Variants in RHBDD1 observed in about 807,000 individuals in gnomAD.
The protein encoded by RHBDD1 is rhomboid domain containing 1.
A neutral mutation model predicts 36.3 loss-of-function variants in RHBDD1; 38 were observed. That is an observed-to-expected ratio of 1.05 (90% CI 0.81 to 1.37). The LOEUF is 1.37. RHBDD1 is among the 40% of genes most tolerant of loss of function. The pLI is 0.00. For missense variants in RHBDD1, 393 were observed against 377.6 expected, an observed-to-expected ratio of 1.04 and a Z score of -0.34; for synonymous variants, 151 against 136.5, an observed-to-expected ratio of 1.11 and a Z score of -0.74.
chr2:226,918,834 G>A (rs1416889828), intron 8 of RHBDD1, among the ~76,000 whole-genome samples: 4 of 152,060 alleles, frequency 2.6e-5, no homozygotes, highest in Non-Finnish European at 5.9e-5. Context: ...ATACCTAGCA[G>A]TAGAATTGCT....
At chr2:226,943,479 T>G (rs534430802) in intron 8 of RHBDD1, among the ~76,000 whole-genome samples, 76 of 152,184 alleles carry the variant, frequency 5.0e-4, no homozygotes, top group Admixed American at 1.2e-3. Context: ...ACTCAATGAG[T>G]CTAAAAGGGA....
intron 8 of RHBDD1, among the ~76,000 whole-genome samples, chr2:226,953,719 T>G (rs780046434): frequency 6.6e-6 from 1 of 152,228 alleles, no homozygotes; most frequent in Non-Finnish European, 1.5e-5. Flanking sequence ...CTCTGGTACT[T>G]ACATTCGCTT....
intron 8 of RHBDD1, among the ~76,000 whole-genome samples, chr2:226,963,914 T>G (rs1389087674): frequency 1.3e-5 from 2 of 152,168 alleles, no homozygotes; most frequent in East Asian, 1.9e-4. Flanking sequence ...ACTTAACTCC[T>G]TCCTTCCTGA....
chr2:226,960,806 A>C (rs1952139038), intron 8 of RHBDD1, among the ~76,000 whole-genome samples: 1 of 152,154 alleles, frequency 6.6e-6, no homozygotes, highest in Admixed American at 6.5e-5. Context: ...CCCCTGCAGC[A>C]CTCATAAGGG....
chr2:226,842,751 A>G (rs1941801741), intron 3 of RHBDD1, among the ~76,000 whole-genome samples: 1 of 152,168 alleles, frequency 6.6e-6, no homozygotes, highest in South Asian at 2.1e-4. Context: ...TTTGCTAAGA[A>G]TTGTTTTGGC....
chr2:226,972,921 G>A (rs1479864409), intron 8 of RHBDD1, among the ~76,000 whole-genome samples: 1 of 133,698 alleles, frequency 7.5e-6, no homozygotes, highest in Non-Finnish European at 1.6e-5. Flanking sequence ...AAGGAAGGAA[G>A]CCTGTAGCAA....
intron 8 of RHBDD1, among the ~76,000 whole-genome samples, chr2:226,973,680 G>A (rs1270316867): frequency 6.6e-6 from 1 of 152,192 alleles, no homozygotes; most frequent in Non-Finnish European, 1.5e-5. Flanking sequence ...AGATGGAGAT[G>A]TTCATTCTTG....
Position 226,906,794 on chromosome 2 carries a change from A to G in RHBDD1, c.568A>G (p.Thr190Ala). The G allele has an allele frequency of 1.9e-6, 3 of 1,614,018 alleles. No homozygotes were observed. Among genetic ancestry groups the G allele is most frequent in the Non-Finnish European group, 2.5e-6 (3 of 1,179,970 alleles). ...LVAIHLFSPG[T>A]SFAGHLAGIL... Reference sequence around the variant, plus strand: ...ACAAAGGGTCTCCTTCCCTCCTAGGACTTCCTTCGCTGGGCATCTGGCTGG... The same window carrying G: ...ACAAAGGGTCTCCTTCCCTCCTAGGGCTTCCTTCGCTGGGCATCTGGCTGG... The change falls in exon 6 of 9, where the codon ACT becomes GCT. Residue 190 changes from threonine (T) to alanine (A), a missense_variant and splice_region_variant. By Grantham distance (58) the Thr-to-Ala change is moderately conservative (BLOSUM62 0). Transcript: ENST00000392062.
At chr2:226,925,599 A>C (rs552273285) in intron 8 of RHBDD1, among the ~76,000 whole-genome samples, 1 of 152,320 alleles carries the variant, frequency 6.6e-6, no homozygotes, top group Admixed American at 6.5e-5. Flanking sequence ...TGATTCTTAC[A>C]CTTAGACAAT....
chr2:226,968,259 A>C (rs1365442598), intron 8 of RHBDD1, among the ~76,000 whole-genome samples: 1 of 152,184 alleles, frequency 6.6e-6, no homozygotes, highest in Non-Finnish European at 1.5e-5. Flanking sequence ...AAACCAGTGG[A>C]GACATATATT....
chr2:226,930,810 C>G (rs1949986157), intron 8 of RHBDD1, among the ~76,000 whole-genome samples: 1 of 151,564 alleles, frequency 6.6e-6, no homozygotes, highest in Admixed American at 6.6e-5. Context: ...ATAAACCTGT[C>G]AAAAACTGGG....
intron 5 of RHBDD1, among the ~76,000 whole-genome samples, chr2:226,869,536 G>A (rs1332123283): frequency 6.6e-6 from 1 of 152,170 alleles, no homozygotes; most frequent in African/African-American, 2.4e-5. Flanking sequence ...TTGCAGGACT[G>A]TATGGGCTGC....
intron 8 of RHBDD1, among the ~76,000 whole-genome samples, chr2:226,950,144 G>A (rs1300946716): frequency 7.9e-5 from 12 of 152,166 alleles, no homozygotes; most frequent in Admixed American, 7.9e-4. Context: ...TACAGTCACT[G>A]TATCATAGAT....
At chr2:226,821,234 C>G in the RHBDD1 span, among the ~76,000 whole-genome samples, 1 of 152,188 alleles carries the variant, frequency 6.6e-6, no homozygotes, top group Non-Finnish European at 1.5e-5. Flanking sequence ...CCACCCAGTC[C>G]TTAGGCTAGA....
intron 5 of RHBDD1, among the ~76,000 whole-genome samples, chr2:226,900,094 A>G (rs1254840684): frequency 6.6e-6 from 1 of 152,228 alleles, no homozygotes; most frequent in East Asian, 1.9e-4. Context: ...AGTTCAAGGT[A>G]TCTATGAACA....
intron 8 of RHBDD1, among the ~76,000 whole-genome samples, chr2:226,991,413 C>T (rs1382399411): frequency 1.3e-5 from 2 of 152,210 alleles, no homozygotes; most frequent in Non-Finnish European, 2.9e-5. Context: ...ATCTCCTGAC[C>T]TCGTGAACCG....
rs746145963 is a variant in RHBDD1 at position 226,988,882 on chromosome 2, TA to T, written c.857-6547del. On this transcript the variant is annotated intron_variant, in intron 8 of 8. Coordinates refer to ENST00000392062, the MANE Select transcript of RHBDD1 (RefSeq NM_001167608.3). ...CCTTACTCCTTGTCAAAGGAGATCC[TA>T]ATTCTAGATGCATCCAGTTATCCAA... 1.1e-4 allele frequency: 20 copies of T among 189,500 alleles called. No homozygotes were observed. In the East Asian group the frequency reaches 1.3e-3, roughly 12 times the overall value. The allele number at this position is 189,500 out of a possible 1,614,324, so 11.7% of individuals were successfully genotyped here.
chr2:226,810,540 C>CAAAAAA, the RHBDD1 span, among the ~76,000 whole-genome samples: 48 of 33,862 alleles, frequency 1.4e-3, 2 homozygotes, highest in African/African-American at 4.5e-3. Context: ...GACTCCGTCT[C>CAAAAAA]AAAAAAAAAA....
chr2:226,894,912 C>T (rs375158550), intron 5 of RHBDD1, among the ~76,000 whole-genome samples: 10 of 151,990 alleles, frequency 6.6e-5, no homozygotes, highest in African/African-American at 2.2e-4. Context: ...CACACTGGCC[C>T]GGGATGATCA....
Sources: gnomAD v4.1 joint callset for allele counts (sites outside exome capture counted in the v4.1 genomes callset) on GRCh38, gnomAD v4.1.1 for gene constraint, MANE v1.5 for transcripts, NCBI Gene and HGNC (gene_info 2026-07-23, HGNC 2026-07-21) for gene names.